Variants in FBXL17 observed in about 807,000 individuals in gnomAD.
FBXL17 encodes the protein F-box and leucine rich repeat protein 17.
In FBXL17, 22 loss-of-function variants were observed where a neutral mutation model predicts 66.2. The ratio of observed to expected loss-of-function variants is 0.33; its 90% CI spans 0.24 to 0.47. FBXL17 has a LOEUF of 0.47. FBXL17 is among the 20% of genes least tolerant of loss of function. The pLI is 1.00. For missense variants in FBXL17, 878 were observed against 948.2 expected, an observed-to-expected ratio of 0.93 and a Z score of 0.97; for synonymous variants, 474 against 400.5, an observed-to-expected ratio of 1.18 and a Z score of -2.19.
chr5:107,953,660 C>T (rs1751573031), intron 7 of FBXL17, among the ~76,000 whole-genome samples: 1 of 152,158 alleles, frequency 6.6e-6, no homozygotes, highest in South Asian at 2.1e-4. Flanking sequence ...CAAGCCAGTT[C>T]CCATGACATC....
chr5:107,893,214 G>A (rs1580689572), intron 7 of FBXL17, among the ~76,000 whole-genome samples: 1 of 152,134 alleles, frequency 6.6e-6, no homozygotes, highest in Admixed American at 6.6e-5. Context: ...GAAAACAGTT[G>A]AGGTGCATAG....
chr5:108,255,929 G>A (rs754721181), intron 4 of FBXL17, among the ~76,000 whole-genome samples: 9 of 152,158 alleles, frequency 5.9e-5, no homozygotes, highest in Non-Finnish European at 1.3e-4. Context: ...AAAGCAAGGC[G>A]TAAGGCAAGG....
chr5:108,078,673 G>C (rs1007177031), intron 6 of FBXL17, among the ~76,000 whole-genome samples: 4 of 152,118 alleles, frequency 2.6e-5, no homozygotes, highest in South Asian at 2.1e-4. Flanking sequence ...TATATAAAAA[G>C]ACTACCTTTG....
intron 7 of FBXL17, among the ~76,000 whole-genome samples, chr5:107,945,229 C>T (rs1026649098): frequency 4.6e-5 from 7 of 152,056 alleles, no homozygotes; most frequent in South Asian, 2.1e-4. Flanking sequence ...TCACAGCAAT[C>T]GGATTGGCAA....
At chr5:108,133,619 G>C (rs1751019771) in intron 6 of FBXL17, among the ~76,000 whole-genome samples, 1 of 151,878 alleles carries the variant, frequency 6.6e-6, no homozygotes, top group Non-Finnish European at 1.5e-5. Flanking sequence ...TGCTGGAAGA[G>C]AGAAAGAAAG....
Position 108,110,757 on chromosome 5 carries a change from A to G in FBXL17, c.1745+75360T>C, listed in dbSNP as rs543830103. Among the ~76,000 whole-genome samples, 25 of 151,874 alleles carry G rather than the reference A, an allele frequency of 1.6e-4. No homozygotes were observed. In the South Asian group the frequency reaches 4.8e-3, roughly 29 times the overall value. ...CAGTATATTAGCATGCAAAAAAAAA[A>G]GGGGCGAATTTGTGCCTCAAAGTTT... On this transcript the variant is annotated intron_variant, in intron 6 of 8. Transcript: ENST00000542267.
At chr5:107,966,682 A>G (rs1752153193) in intron 7 of FBXL17, among the ~76,000 whole-genome samples, 1 of 152,098 alleles carries the variant, frequency 6.6e-6, no homozygotes. Context: ...TGTGTGGTAA[A>G]ATGTATATAA....
chr5:107,961,424 C>T (rs973412856), intron 7 of FBXL17, among the ~76,000 whole-genome samples: 2 of 151,550 alleles, frequency 1.3e-5, no homozygotes, highest in African/African-American at 2.4e-5. Flanking sequence ...GACAGGGTTT[C>T]GCCATGTTGC....
intron 6 of FBXL17, among the ~76,000 whole-genome samples, chr5:108,036,134 T>G (rs1457719691): frequency 6.6e-6 from 1 of 152,178 alleles, no homozygotes; most frequent in Non-Finnish European, 1.5e-5. Context: ...TTGAGATGAC[T>G]GTGCCAGTTT....
At chr5:108,352,751 C>T (rs186959616) in intron 3 of FBXL17, among the ~76,000 whole-genome samples, 9 of 152,224 alleles carry the variant, frequency 5.9e-5, no homozygotes, top group East Asian at 5.8e-4. Flanking sequence ...CCTCATGATC[C>T]GCCCGCCTCA....
intron 4 of FBXL17, among the ~76,000 whole-genome samples, chr5:108,258,737 A>ATTTTTTTTTT (rs759401052): frequency 5.7e-5 from 7 of 122,890 alleles, no homozygotes; most frequent in African/African-American, 2.1e-4. Flanking sequence ...GGCCTTTAAC[A>ATTTTTTTTTT]TTTTTTTTTT....
intron 6 of FBXL17, among the ~76,000 whole-genome samples, chr5:108,112,726 A>G (rs911733570): frequency 3.3e-5 from 5 of 152,218 alleles, no homozygotes; most frequent in African/African-American, 1.2e-4. Context: ...GAATGCATGA[A>G]CATGATCAAG....
At chr5:108,263,261 T>C (rs7724884) in intron 4 of FBXL17, among the ~76,000 whole-genome samples, 18,528 of 152,120 alleles carry the variant, frequency 0.12, 1,366 homozygotes, top group Admixed American at 0.16. Flanking sequence ...AACACAGTTG[T>C]AGAGGTCTTG....
intron 5 of FBXL17, among the ~76,000 whole-genome samples, chr5:108,197,186 C>T (rs1471785880): frequency 2.6e-5 from 4 of 152,112 alleles, no homozygotes; most frequent in Non-Finnish European, 5.9e-5. Context: ...AAGTTAGCAG[C>T]GCTAAGCAGC....
chr5:108,181,269 A>C (rs1752992474), intron 6 of FBXL17, among the ~76,000 whole-genome samples: 1 of 152,230 alleles, frequency 6.6e-6, no homozygotes, highest in African/African-American at 2.4e-5. Context: ...GATGAGACGT[A>C]ATAACCAGAT....
At chr5:108,186,414 A>G (rs957387124) in intron 5 of FBXL17, among the ~76,000 whole-genome samples, 167 bp from the exon 6 acceptor site, 1 of 152,204 alleles carries the variant, frequency 6.6e-6, no homozygotes, top group African/African-American at 2.4e-5. Context: ...TTTATACACT[A>G]AATTAAGCAT....
At chr5:108,025,713 A>G (rs1358096672) in intron 6 of FBXL17, among the ~76,000 whole-genome samples, 1 of 123,968 alleles carries the variant, frequency 8.1e-6, no homozygotes, top group African/African-American at 3.7e-5. Context: ...AAACACACAC[A>G]CACACGCGCG....
At chr5:108,245,011 GAT>G (rs1344643023) in intron 4 of FBXL17, among the ~76,000 whole-genome samples, 1 of 152,072 alleles carries the variant, frequency 6.6e-6, no homozygotes, top group Non-Finnish European at 1.5e-5. Flanking sequence ...TGGTCTTAAA[GAT>G]ATAAAATCTT....
intron 1 of FBXL17, among the ~76,000 whole-genome samples, chr5:108,371,257 G>A (rs1194093006): frequency 1.3e-5 from 2 of 152,098 alleles, no homozygotes; most frequent in East Asian, 3.9e-4. Context: ...GAAGAATTGG[G>A]GAAGAGAACT....
Sources: allele counts gnomAD v4.1 joint callset (sites outside exome capture counted in the v4.1 genomes callset), GRCh38; gene constraint gnomAD v4.1.1; transcripts MANE v1.5; gene names NCBI Gene and HGNC (gene_info 2026-07-23, HGNC 2026-07-21).